Variants in KAT14 observed in about 807,000 individuals in gnomAD.
The protein encoded by KAT14 is lysine acetyltransferase 14.
KAT14 carries 66 observed loss-of-function variants against 78.4 expected under a neutral mutation model. The observed-to-expected ratio is 0.84, with a 90% CI of 0.69 to 1.03. KAT14 has a LOEUF of 1.03. Among genes scored for constraint, KAT14 ranks in the 50% least tolerant of loss-of-function variants. The probability of loss-of-function intolerance (pLI) is 0.00; values close to 1 mark genes in which losing one functional copy is unlikely to be tolerated. For missense variants in KAT14, 870 were observed against 972.5 expected, an observed-to-expected ratio of 0.89 and a Z score of 1.40; for synonymous variants, 344 against 359.4, an observed-to-expected ratio of 0.96 and a Z score of 0.48.
At chr20:18,146,623 C>T (rs751876873) in intron 3 of KAT14, among the ~76,000 whole-genome samples, 1 of 152,050 alleles carries the variant, frequency 6.6e-6, no homozygotes, top group East Asian at 1.9e-4. Flanking sequence ...CGCGCCACTG[C>T]ACTACAGCCT....
intron 6 of KAT14, 67 bp downstream of exon 6, chr20:18,162,306 AC>A: frequency 6.2e-7 from 1 of 1,605,614 alleles, no homozygotes; most frequent in South Asian, 1.1e-5. Context: ...ACAAGTTTTC[AC>A]CCCGTGGGCT....
chr20:18,139,168 A>G lies in KAT14; in HGVS notation c.-454+1117A>G, dbSNP rs546371807. Among the ~76,000 whole-genome samples the G allele has an allele frequency of 1.6e-3, 237 of 152,310 alleles. 1 individual carries two copies. Among genetic ancestry groups the G allele is most frequent in the African/African-American group, 5.4e-3 (225 of 41,570 alleles). On this transcript the variant is annotated intron_variant, in intron 1 of 10. Transcript: ENST00000688188. ...ATGTGATGGTACAAGAATTTTGACG[A>G]GGGGTTGAGATGACTTAACAATGAA...
chr20:18,147,999 A>G lies in KAT14; in HGVS notation c.378+2648A>G, dbSNP rs368185949. ...GGTGAAGTGATAACTTAGGTTGCAC[A>G]TATGTGGTTCTTAGCAAACAACTGA... On this transcript the variant is annotated intron_variant, in intron 3 of 10. Coordinates refer to ENST00000688188, the MANE Select transcript of KAT14 (RefSeq NM_001392073.1). Among the ~76,000 whole-genome samples, 22 of 152,330 alleles carry G rather than the reference A, an allele frequency of 1.4e-4. No homozygotes were observed. In the East Asian group the frequency reaches 1.9e-3, roughly 13 times the overall value.
At chr20:18,153,453 G>A (rs994866378) in intron 4 of KAT14, among the ~76,000 whole-genome samples, 5 of 152,124 alleles carry the variant, frequency 3.3e-5, no homozygotes, top group African/African-American at 7.2e-5. Flanking sequence ...GATAAGAAAG[G>A]GAAAAAACTG....
intron 7 of KAT14, among the ~76,000 whole-genome samples, chr20:18,173,640 G>A (rs1031313736): frequency 2.3e-5 from 2 of 86,198 alleles, no homozygotes; most frequent in South Asian, 3.6e-4. Flanking sequence ...TTTTTTTTTT[G>A]TCTTTTCTTT....
chr20:18,146,303 C>T (rs182053988), intron 3 of KAT14, among the ~76,000 whole-genome samples: 94 of 152,274 alleles, frequency 6.2e-4, no homozygotes, highest in African/African-American at 1.9e-3. Flanking sequence ...CTTTGGGAGG[C>T]GGAGGCGGCC....
intron 1 of KAT14, among the ~76,000 whole-genome samples, chr20:18,140,495 A>G (rs2037491043): frequency 6.6e-6 from 1 of 151,700 alleles, no homozygotes; most frequent in South Asian, 2.1e-4. Context: ...CATTAATTCT[A>G]CTCTATATAG....
chr20:18,167,447 A>C (rs2038680343), intron 7 of KAT14, among the ~76,000 whole-genome samples: 2 of 152,160 alleles, frequency 1.3e-5, no homozygotes, highest in South Asian at 4.1e-4. Context: ...TTTTAGTATA[A>C]ATTTTAATGT....
At chr20:18,164,525 C>G (rs1179297652) in intron 7 of KAT14, among the ~76,000 whole-genome samples, 1 of 152,074 alleles carries the variant, frequency 6.6e-6, no homozygotes, top group Non-Finnish European at 1.5e-5. Context: ...TTAGCTTCAC[C>G]ACTGGCTTAG....
chr20:18,170,885 G>T (rs939604275), intron 7 of KAT14, among the ~76,000 whole-genome samples: 7 of 152,170 alleles, frequency 4.6e-5, no homozygotes, highest in African/African-American at 1.7e-4. Context: ...AATGTACCTG[G>T]TCACCCAAGA....
chr20:18,159,024 C>G, intron 4 of KAT14, 60 bp from the exon 5 acceptor site: 2 of 1,539,324 alleles, frequency 1.3e-6, no homozygotes, highest in Non-Finnish European at 1.7e-6. Flanking sequence ...TATACACAGA[C>G]TGTCTTTTCT....
chr20:18,161,798 G>A (rs967358600), intron 5 of KAT14, 25 bp from the exon 6 acceptor site: 1 of 1,601,354 alleles, frequency 6.2e-7, no homozygotes, highest in Non-Finnish European at 8.5e-7. Context: ...GGGATACTCA[G>A]CCTGTATTTA....
chr20:18,176,313 A>AG (rs551960597), intron 7 of KAT14, among the ~76,000 whole-genome samples: 21 of 151,690 alleles, frequency 1.4e-4, no homozygotes, highest in African/African-American at 5.1e-4. Context: ...AAAAAAAAAA[A>AG]AAAAAAGTGC....
intron 7 of KAT14, among the ~76,000 whole-genome samples, chr20:18,180,322 T>C (rs1283330015): frequency 6.6e-6 from 1 of 152,254 alleles, no homozygotes; most frequent in Non-Finnish European, 1.5e-5. Flanking sequence ...TTTGCTCCAA[T>C]TCCCAACAAA....
chr20:18,162,625 A>G lies in KAT14; in HGVS notation c.1348A>G (p.Lys450Glu). The G allele has an allele frequency of 2.5e-6, 4 of 1,614,218 alleles. No homozygotes were observed. Among genetic ancestry groups the G allele is most frequent in the Non-Finnish European group, 3.4e-6 (4 of 1,180,036 alleles). ...AGAAAAGAGGAAGCCTCAGCTGGAG[A>G]AGGACACAAAGCCGAAAGAGCCCAG... ...AREKRKPQLE[K>E]DTKPKEPRYT... is the part of the protein sequence containing the mutation. The change falls in exon 7 of 11, where the codon AAG becomes GAG. Residue 450 changes from lysine (K) to glutamate (E), a missense_variant. Coordinates refer to ENST00000688188, the MANE Select transcript of KAT14 (RefSeq NM_001392073.1).
intron 9 of KAT14, among the ~76,000 whole-genome samples, chr20:18,183,868 G>T (rs2039354688): frequency 6.6e-6 from 1 of 152,166 alleles, no homozygotes. Flanking sequence ...ATTCTTTGTG[G>T]ATCTGCTTTC....
intron 8 of KAT14, among the ~76,000 whole-genome samples, chr20:18,182,547 A>G (rs1053862583): frequency 9.2e-5 from 14 of 152,230 alleles, no homozygotes; most frequent in African/African-American, 3.4e-4. Context: ...CCAATAATGA[A>G]TGTCATTGTC....
chr20:18,180,151 G>A (rs911616316), intron 7 of KAT14, among the ~76,000 whole-genome samples: 2 of 152,152 alleles, frequency 1.3e-5, no homozygotes, highest in African/African-American at 4.8e-5. Context: ...TTACAGGCAT[G>A]AGCCACCATG....
chr20:18,152,201 A>G (rs1250439596), intron 4 of KAT14, among the ~76,000 whole-genome samples: 1 of 152,072 alleles, frequency 6.6e-6, no homozygotes, highest in African/African-American at 2.4e-5. Flanking sequence ...CCAGCTACTC[A>G]GGAGACCAAG....
Sources: gnomAD v4.1 joint callset for allele counts (sites outside exome capture counted in the v4.1 genomes callset) on GRCh38, gnomAD v4.1.1 for gene constraint, MANE v1.5 for transcripts, NCBI Gene and HGNC (gene_info 2026-07-23, HGNC 2026-07-21) for gene names.